AQP7: variants seen among roughly 807,000 people sequenced by gnomAD.
AQP7 encodes the protein aquaporin-7.
In AQP7, 22 loss-of-function variants were observed where a neutral mutation model predicts 26.1. The ratio of observed to expected loss-of-function variants is 0.84; its 90% CI spans 0.60 to 1.20. AQP7 has a LOEUF of 1.20. Among genes scored for constraint, AQP7 ranks in the 50% most tolerant of loss-of-function variants. The pLI is 0.00. For synonymous variants in AQP7, 167 were observed against 181.7 expected (o/e 0.92, Z 0.65); for missense variants, 412 against 457.5 (o/e 0.90, Z 0.91).
chr9:33,386,294 G>C (rs200634170), intron 5 of AQP7, 99 bp from the exon 6 acceptor site: 34 of 1,596,630 alleles, frequency 2.1e-5, no homozygotes, highest in Non-Finnish European at 2.8e-5. Flanking sequence ...GATCTCCAAG[G>C]CTTTTTTCTC....
At chr9:33,392,409 G>C (rs1277253791) in intron 3 of AQP7, among the ~76,000 whole-genome samples, 1 of 152,106 alleles carries the variant, frequency 6.6e-6, no homozygotes, top group African/African-American at 2.4e-5. Context: ...TTTCCCATCT[G>C]TGAAACTGGG....
chr9:33,386,961 T>A lies in AQP7; in HGVS notation c.268+8A>T, dbSNP rs759785154. The A allele has an allele frequency of 6.2e-7, 1 of 1,611,892 alleles. No individual in the cohort carries two copies. Among genetic ancestry groups the A allele is most frequent in the South Asian group, 1.1e-5 (1 of 90,978 alleles). The stretch of plus-strand genomic sequence containing the variant: ...TTGCCCGGTCCGGCAGGGCCTGGGC[T>A]CACTCACCAGAGATGCGGCCTGCCA... On this transcript the variant is annotated splice_region_variant and intron_variant, in intron 4 of 7. Coordinates refer to ENST00000297988, the MANE Select transcript of AQP7 (RefSeq NM_001170.3).
At chr9:33,389,163 G>A (rs1184224665) in intron 3 of AQP7, among the ~76,000 whole-genome samples, 1 of 151,956 alleles carries the variant, frequency 6.6e-6, no homozygotes, top group East Asian at 1.9e-4. Flanking sequence ...GAGTAGTTGA[G>A]ATAATAGGTG....
At position 33,384,712 on chromosome 9, in the gene AQP7, T is replaced by G; in HGVS notation, c.*293A>C. ...ACGGTCTGTTCCCCAAAACCACCCT[T>G]CCTTCCCCCGTGCCTGAAAATCCCT... On this transcript the variant is annotated 3_prime_UTR_variant, in exon 8 of 8. Transcript: ENST00000297988. The G allele has an allele frequency of 3.3e-6, 1 of 300,008 alleles. No individual in the cohort carries two copies. Among genetic ancestry groups the G allele is most frequent in the Non-Finnish European group, 6.1e-6 (1 of 162,618 alleles). The allele number at this position is 300,008 out of a possible 1,614,324, so 18.6% of individuals were successfully genotyped here.
intron 2 of AQP7, among the ~76,000 whole-genome samples, chr9:33,397,736 G>T (rs1825956603): frequency 6.7e-6 from 1 of 150,258 alleles, no homozygotes; most frequent in Non-Finnish European, 1.5e-5. Context: ...CCCTCCACTG[G>T]CCCCCATCCA....
At chr9:33,391,014 G>A (rs1825344182) in intron 3 of AQP7, among the ~76,000 whole-genome samples, 1 of 152,168 alleles carries the variant, frequency 6.6e-6, no homozygotes, top group African/African-American at 2.4e-5. Context: ...AGGAGGCTGA[G>A]GCAGGAGAAT....
At chr9:33,390,520 G>C (rs1825291154) in intron 3 of AQP7, among the ~76,000 whole-genome samples, 1 of 152,044 alleles carries the variant, frequency 6.6e-6, no homozygotes. Flanking sequence ...GGAAGTCTGA[G>C]AAAATGTGAA....
intron 2 of AQP7, among the ~76,000 whole-genome samples, chr9:33,397,836 C>T (rs138333398): frequency 6.6e-6 from 1 of 152,274 alleles, no homozygotes; most frequent in East Asian, 1.9e-4. Flanking sequence ...ATCCTGGAAG[C>T]CTGGCTCCTT....
chr9:33,388,401 C>A (rs1423308662), intron 3 of AQP7, among the ~76,000 whole-genome samples: 1 of 152,178 alleles, frequency 6.6e-6, no homozygotes, highest in Non-Finnish European at 1.5e-5. Context: ...GAGTGATCTT[C>A]CTAACAAAAA....
At chr9:33,390,790 C>T (rs1369715142) in intron 3 of AQP7, among the ~76,000 whole-genome samples, 1 of 152,170 alleles carries the variant, frequency 6.6e-6, no homozygotes, top group African/African-American at 2.4e-5. Flanking sequence ...GGCCTTTCCC[C>T]CATTCCAATA....
chr9:33,392,380 AG>A (rs1825488566), intron 3 of AQP7, among the ~76,000 whole-genome samples: 1 of 151,988 alleles, frequency 6.6e-6, no homozygotes, highest in Non-Finnish European at 1.5e-5. Flanking sequence ...CAAAAGGCTT[AG>A]TCTCAAGGAG....
intron 2 of AQP7, among the ~76,000 whole-genome samples, chr9:33,396,661 C>T (rs1825874608): frequency 7.0e-6 from 1 of 143,480 alleles, no homozygotes; most frequent in East Asian, 2.0e-4. Context: ...CCAGAGGCTC[C>T]TTTACCCACC....
At chr9:33,392,580 C>T (rs949478141) in intron 3 of AQP7, among the ~76,000 whole-genome samples, 1 of 152,114 alleles carries the variant, frequency 6.6e-6, no homozygotes, top group Non-Finnish European at 1.5e-5. Context: ...AGCATGTGGG[C>T]GGTGCCTATT....
At chr9:33,392,482 GGCTTA>G (rs1402644017) in intron 3 of AQP7, among the ~76,000 whole-genome samples, 1 of 151,962 alleles carries the variant, frequency 6.6e-6, no homozygotes, top group African/African-American at 2.4e-5. Context: ...GCACGTAAGG[GGCTTA>G]GCATCACAGA....
chr9:33,388,406 C>G (rs1188270275), intron 3 of AQP7, among the ~76,000 whole-genome samples: 7 of 152,158 alleles, frequency 4.6e-5, no homozygotes, highest in African/African-American at 7.2e-5. Context: ...ATCTTCCTAA[C>G]AAAAACCCCA....
intron 2 of AQP7, among the ~76,000 whole-genome samples, chr9:33,397,499 AT>A (rs1274325730): frequency 1.3e-5 from 2 of 152,030 alleles, no homozygotes; most frequent in Non-Finnish European, 2.9e-5. Context: ...GCAACTCTGC[AT>A]CCCCCTCCAT....
chr9:33,391,400 T>G lies in AQP7; in HGVS notation c.144+3678A>C, dbSNP rs753202822. On this transcript the variant is annotated intron_variant, in intron 3 of 7. Transcript: ENST00000297988. ...AGCCAAAGTCCCCACCGCCCTGAGT[T>G]GCCGCTCTCTTGGCCCCCGTAGCAT... The G allele has an allele frequency of 6.6e-5, 15 of 227,108 alleles. No homozygotes were observed. The East Asian group carries it at 6.6e-4, about 10-fold the overall frequency. 14.1% of individuals were successfully genotyped at this position (227,108 alleles called of 1,614,324 possible).
chr9:33,392,662 G>A (rs1348727786), intron 3 of AQP7, among the ~76,000 whole-genome samples: 1 of 152,160 alleles, frequency 6.6e-6, no homozygotes, highest in Non-Finnish European at 1.5e-5. Context: ...TCATGGGGCT[G>A]GAATGTCTTG....
intron 7 of AQP7, 90 bp downstream of exon 7, chr9:33,385,559 C>T (rs775225041): frequency 1.3e-6 from 2 of 1,485,790 alleles, no homozygotes; most frequent in African/African-American, 1.4e-5. Flanking sequence ...CAGGACCCTC[C>T]TGTGCTGCCC....
Sources: gnomAD v4.1 joint callset for allele counts (sites outside exome capture counted in the v4.1 genomes callset) on GRCh38, gnomAD v4.1.1 for gene constraint, MANE v1.5 for transcripts, NCBI Gene and HGNC (gene_info 2026-07-23, HGNC 2026-07-21) for gene names.